The following TTC7B variants were observed in gnomAD, a reference collection of about 807,000 sequenced individuals.
The protein encoded by TTC7B is tetratricopeptide repeat domain 7B.
TTC7B carries 28 observed loss-of-function variants against 106.8 expected under a neutral mutation model. The observed-to-expected ratio is 0.26, with a 90% CI of 0.19 to 0.36. The LOEUF (loss-of-function observed/expected upper bound fraction) is 0.36. Among genes scored for constraint, TTC7B ranks in the 10% least tolerant of loss-of-function variants. TTC7B has a pLI of 1.00. For missense variants in TTC7B, 862 were observed against 1,076.4 expected (o/e 0.80, Z 2.79); for synonymous variants, 405 against 430.6 (o/e 0.94, Z 0.74).
chr14:90,813,125 A>G (rs528864166), intron 1 of TTC7B, among the ~76,000 whole-genome samples: 1 of 152,020 alleles, frequency 6.6e-6, no homozygotes, highest in South Asian at 2.1e-4. Context: ...ATGCTTCTCC[A>G]CCTCCTTAGG....
At chr14:90,660,906 G>C (rs1181147560) in intron 9 of TTC7B, among the ~76,000 whole-genome samples, 1 of 152,256 alleles carries the variant, frequency 6.6e-6, no homozygotes, top group South Asian at 2.1e-4. Context: ...CGAAGACCTT[G>C]AGCAAGGTGA....
intron 8 of TTC7B, among the ~76,000 whole-genome samples, chr14:90,677,233 C>G (rs1344088941): frequency 6.6e-6 from 1 of 152,172 alleles, no homozygotes; most frequent in Non-Finnish European, 1.5e-5. Context: ...AAGATGAGTT[C>G]AATCTTGTTT....
chr14:90,708,557 T>G (rs895552541), intron 5 of TTC7B, among the ~76,000 whole-genome samples: 4 of 152,218 alleles, frequency 2.6e-5, no homozygotes, highest in Admixed American at 2.6e-4. Flanking sequence ...CACTGAATAT[T>G]TGAAGCCCAC....
At chr14:90,760,487 C>T (rs952870663) in intron 3 of TTC7B, among the ~76,000 whole-genome samples, 5 of 152,210 alleles carry the variant, frequency 3.3e-5, no homozygotes, top group Non-Finnish European at 7.4e-5. Context: ...TACATTTAAA[C>T]CTCACACTGG....
chr14:90,626,738 C>T (rs1029308755), intron 15 of TTC7B, among the ~76,000 whole-genome samples: 1 of 152,208 alleles, frequency 6.6e-6, no homozygotes, highest in Non-Finnish European at 1.5e-5. Context: ...ATATGCTTTT[C>T]ATCCATCAAA....
intron 16 of TTC7B, among the ~76,000 whole-genome samples, chr14:90,617,516 A>C (rs1264268647): frequency 2.0e-5 from 3 of 152,214 alleles, no homozygotes; most frequent in African/African-American, 7.2e-5. Flanking sequence ...TCTTAGTAGC[A>C]TGCGGCCTGA....
rs1437024416 is a variant in TTC7B at position 90,805,090 on chromosome 14, G to A, written c.121+11085C>T. ...AGATGACACCAACAGTCTTCGGCGT[G>A]GGACCAGGTCTCGGGTGGACGCCCA... On this transcript the variant is annotated intron_variant, in intron 1 of 19. Transcript: ENST00000328459. The surrounding 1 kb of genome is among the most constrained non-coding windows in gnomAD (Gnocchi z 4.0). Among the ~76,000 whole-genome samples, 1 of 152,138 alleles carries A rather than the reference G, an allele frequency of 6.6e-6. No homozygotes were observed. Among genetic ancestry groups the A allele is most frequent in the Non-Finnish European group, 1.5e-5 (1 of 68,000 alleles).
In TTC7B at chr14:90,655,543, G is replaced by A. The variant is rs527915470; in HGVS notation, c.1342-433C>T. 2.6e-5 allele frequency among the ~76,000 whole-genome samples: 4 copies of A among 152,220 alleles called. No individual in the cohort carries two copies. In the South Asian group the frequency reaches 8.3e-4, roughly 32 times the overall value. Reference sequence around the variant, plus strand: ...GGATATAAAGAATCCATTTAGGCTTGGATTCTCTTTGCCATGAGCTGTTAT... The same window carrying A: ...GGATATAAAGAATCCATTTAGGCTTAGATTCTCTTTGCCATGAGCTGTTAT... On this transcript the variant is annotated intron_variant, in intron 11 of 19. Coordinates refer to ENST00000328459, the MANE Select transcript of TTC7B (RefSeq NM_001010854.2).
chr14:90,635,506 ATCCCAGCACT>A (rs1181481610), intron 15 of TTC7B, among the ~76,000 whole-genome samples: 1 of 152,126 alleles, frequency 6.6e-6, no homozygotes, highest in Non-Finnish European at 1.5e-5. Flanking sequence ...CACGCCTGTA[ATCCCAGCACT>A]TTGGGAGGCC....
intron 19 of TTC7B, among the ~76,000 whole-genome samples, chr14:90,557,995 C>A (rs1168094718): frequency 2.0e-5 from 3 of 152,246 alleles, no homozygotes; most frequent in Admixed American, 2.0e-4. Flanking sequence ...ACCCAGTAGA[C>A]ACTCAATAAG....
intron 5 of TTC7B, chr14:90,699,228 G>A (rs1749699): frequency 0.88 from 402,829 of 455,822 alleles, 178,376 homozygotes; most frequent in East Asian, 1. Context: ...GTCCCTCTGT[G>A]ATCAAACCAA....
chr14:90,626,793 C>T (rs1028059505), intron 15 of TTC7B, among the ~76,000 whole-genome samples: 1 of 152,128 alleles, frequency 6.6e-6, no homozygotes, highest in Admixed American at 6.5e-5. Context: ...CACATGCCAG[C>T]CCCGGTCAGT....
chr14:90,662,748 C>T (rs1428869903), intron 9 of TTC7B, among the ~76,000 whole-genome samples: 1 of 152,140 alleles, frequency 6.6e-6, no homozygotes. Flanking sequence ...GGAAATAGCT[C>T]CTCAGAAACA....
At chr14:90,815,642 C>T (rs1482510490) in intron 1 of TTC7B, among the ~76,000 whole-genome samples, 1 of 152,122 alleles carries the variant, frequency 6.6e-6, no homozygotes, top group Non-Finnish European at 1.5e-5. Flanking sequence ...ACCCCACACA[C>T]CTCGAGTCTG....
intron 6 of TTC7B, among the ~76,000 whole-genome samples, chr14:90,692,984 T>C (rs1887533650): frequency 6.6e-6 from 1 of 152,130 alleles, no homozygotes; most frequent in Non-Finnish European, 1.5e-5. Flanking sequence ...AAAGCCCAGC[T>C]TGGCCATCTG....
At chr14:90,731,326 A>C (rs1889320118) in intron 4 of TTC7B, among the ~76,000 whole-genome samples, 1 of 152,126 alleles carries the variant, frequency 6.6e-6, no homozygotes, top group African/African-American at 2.4e-5. Context: ...CATAAAAACC[A>C]ATGTTCTCCA....
At chr14:90,745,067 G>T in intron 3 of TTC7B, 145 bp from the exon 4 acceptor site, 1 of 799,608 alleles carries the variant, frequency 1.3e-6, no homozygotes. Flanking sequence ...TTTCAATCTG[G>T]ATGCTTTTTA....
intron 16 of TTC7B, among the ~76,000 whole-genome samples, chr14:90,612,557 T>TTCTCATCTTCCAGGCC (rs1229478299): frequency 6.6e-6 from 1 of 152,330 alleles, no homozygotes; most frequent in African/African-American, 2.4e-5. Context: ...GTTTCAGACA[T>TTCTCATCTTCCAGGCC]TCTCATCTTC....
chr14:90,662,830 G>A (rs574931068), intron 9 of TTC7B, among the ~76,000 whole-genome samples: 1 of 152,236 alleles, frequency 6.6e-6, no homozygotes, highest in East Asian at 1.9e-4. Flanking sequence ...TATTAGGAAT[G>A]GAAACACAAC....
Sources: gnomAD v4.1 joint callset for allele counts (sites outside exome capture counted in the v4.1 genomes callset) on GRCh38, gnomAD v4.1.1 for gene constraint, Gnocchi (gnomAD v3.1) non-coding constraint, MANE v1.5 for transcripts, NCBI Gene and HGNC (gene_info 2026-07-23, HGNC 2026-07-21) for gene names.